Variants in C12orf42 observed in about 807,000 individuals in gnomAD.
The protein encoded by C12orf42 is uncharacterized protein C12orf42.
C12orf42 carries 25 observed loss-of-function variants against 21.6 expected under a neutral mutation model. That is an observed-to-expected ratio of 1.16 (90% confidence interval 0.84 to 1.62). The LOEUF is 1.62. Among genes scored for constraint, C12orf42 ranks in the 40% most tolerant of loss-of-function variants. C12orf42 has a pLI of 0.00. For synonymous variants in C12orf42, 174 were observed against 175.0 expected (o/e 0.99, Z 0.05); for missense variants, 483 against 459.3 (o/e 1.05, Z -0.47).
chr12:103,380,818 T>A (rs1053556819), intron 3 of C12orf42, among the ~76,000 whole-genome samples: 1 of 152,208 alleles, frequency 6.6e-6, no homozygotes, highest in Admixed American at 6.5e-5. Flanking sequence ...ATTCATCAAA[T>A]CCTCACAATA....
intron 3 of C12orf42, among the ~76,000 whole-genome samples, chr12:103,395,406 G>A (rs1034993609): frequency 7.4e-5 from 11 of 148,538 alleles, no homozygotes; most frequent in Middle Eastern, 3.7e-3. Flanking sequence ...GGTGATCTCC[G>A]CTCACCGCAA....
intron 3 of C12orf42, among the ~76,000 whole-genome samples, chr12:103,374,158 C>G (rs759244045): frequency 3.9e-5 from 6 of 152,170 alleles, no homozygotes; most frequent in Non-Finnish European, 7.4e-5. Context: ...ATGCTGCAAC[C>G]TCTATTACCG....
At chr12:103,382,620 G>A (rs544661628) in intron 3 of C12orf42, among the ~76,000 whole-genome samples, 116 of 152,326 alleles carry the variant, frequency 7.6e-4, no homozygotes, top group African/African-American at 2.7e-3. Flanking sequence ...CCAAATGCTT[G>A]CTACAATACC....
chr12:103,460,982 T>C (rs772366598), intron 2 of C12orf42, among the ~76,000 whole-genome samples: 1 of 152,178 alleles, frequency 6.6e-6, no homozygotes, highest in South Asian at 2.1e-4. Flanking sequence ...TAGTCTGTTG[T>C]AGATTTGTTG....
chr12:103,110,614 T>G, the C12orf42 span, among the ~76,000 whole-genome samples: 7 of 152,132 alleles, frequency 4.6e-5, no homozygotes, highest in African/African-American at 1.7e-4. Context: ...ATATTATAAC[T>G]AAAATAAAGT....
chr12:103,507,479 G>A, the C12orf42 span, among the ~76,000 whole-genome samples: 17 of 143,642 alleles, frequency 1.2e-4, no homozygotes, highest in Middle Eastern at 3.2e-3. Flanking sequence ...AGACCAGCCC[G>A]GGTAACATAG....
chr12:103,465,727 G>T (rs151324915), intron 2 of C12orf42, among the ~76,000 whole-genome samples: 4,394 of 152,192 alleles, frequency 0.029, 229 homozygotes, highest in African/African-American at 0.1. Flanking sequence ...TATGATATTG[G>T]CTGTGGGTTT....
At chr12:103,306,659 C>T (rs1471476265) in intron 4 of C12orf42, among the ~76,000 whole-genome samples, 2 of 152,128 alleles carry the variant, frequency 1.3e-5, no homozygotes, top group Non-Finnish European at 2.9e-5. Flanking sequence ...ATCTGTCTTG[C>T]ACAGGTCACA....
At chr12:103,391,366 T>C (rs1175891131) in intron 3 of C12orf42, among the ~76,000 whole-genome samples, 2 of 152,168 alleles carry the variant, frequency 1.3e-5, no homozygotes, top group Non-Finnish European at 2.9e-5. Context: ...ACAACCGCTA[T>C]ACTATTTTAC....
intron 10 of C12orf42, among the ~76,000 whole-genome samples, chr12:103,239,033 C>T (rs1377974309): frequency 6.6e-6 from 1 of 152,118 alleles, no homozygotes; most frequent in Admixed American, 6.5e-5. Flanking sequence ...CTCTAGTTTT[C>T]TTCTTGGGCT....
intron 2 of C12orf42, among the ~76,000 whole-genome samples, chr12:103,450,198 C>T (rs1413816612): frequency 6.6e-6 from 1 of 151,988 alleles, no homozygotes; most frequent in Admixed American, 6.6e-5. Context: ...CCTTGCATCC[C>T]TAAGATAAAC....
the C12orf42 span, among the ~76,000 whole-genome samples, chr12:103,179,644 A>G: frequency 1.3e-5 from 2 of 152,244 alleles, no homozygotes; most frequent in East Asian, 1.9e-4. Flanking sequence ...CTCAAGGACA[A>G]CAGGGAACCA....
At chr12:103,537,176 T>G in the C12orf42 span, among the ~76,000 whole-genome samples, 1 of 152,184 alleles carries the variant, frequency 6.6e-6, no homozygotes, top group African/African-American at 2.4e-5. Context: ...TTATGTTCCC[T>G]TTAGCAAAGA....
At chr12:103,440,373 C>T (rs565460745) in intron 2 of C12orf42, among the ~76,000 whole-genome samples, 57 of 131,692 alleles carry the variant, frequency 4.3e-4, no homozygotes, top group Non-Finnish European at 6.2e-4. Context: ...CTAACCTGCA[C>T]AATGTGCACA....
intron 4 of C12orf42, among the ~76,000 whole-genome samples, chr12:103,318,327 C>T (rs2039735137): frequency 6.6e-6 from 1 of 152,082 alleles, no homozygotes; most frequent in Non-Finnish European, 1.5e-5. Flanking sequence ...TCTGTGAACA[C>T]CCTTGTATAT....
chr12:103,481,588 A>G (rs1038552629), intron 1 of C12orf42, among the ~76,000 whole-genome samples: 16 of 151,808 alleles, frequency 1.1e-4, no homozygotes, highest in African/African-American at 3.4e-4. Context: ...CCATACTTGA[A>G]CTTTTAACAT....
At chr12:103,400,209 C>CCCAT (rs1463062931) in intron 3 of C12orf42, among the ~76,000 whole-genome samples, 3 of 152,108 alleles carry the variant, frequency 2.0e-5, no homozygotes, top group Non-Finnish European at 4.4e-5. Context: ...CACTCACTTC[C>CCCAT]CCATCCTAAC....
At position 103,294,726 on chromosome 12, in the gene C12orf42, T is replaced by C. The variant is rs543292622; in HGVS notation, n.338-17516A>G. 1.1e-4 allele frequency among the ~76,000 whole-genome samples: 17 copies of C among 152,266 alleles called. No individual in the cohort carries two copies. In the South Asian group the frequency reaches 3.1e-3, roughly 28 times the overall value. On this transcript the variant is annotated intron_variant and non_coding_transcript_variant, in intron 4 of 6. Transcript: ENST00000546526. The stretch of plus-strand genomic sequence containing the variant: ...ATTATATTTCACAAAGACCTTGGAC[T>C]CTGCAAGAGGGACCCCATACACCTT...
intron 2 of C12orf42, among the ~76,000 whole-genome samples, chr12:103,402,920 G>C (rs1367307195): frequency 1.3e-5 from 2 of 152,184 alleles, no homozygotes; most frequent in East Asian, 3.9e-4. Flanking sequence ...AAGCTGAGTA[G>C]TGCTACAACT....
Sources: allele counts gnomAD v4.1 joint callset (sites outside exome capture counted in the v4.1 genomes callset), GRCh38; gene constraint gnomAD v4.1.1; transcripts MANE v1.5; gene names NCBI Gene and HGNC (gene_info 2026-07-23, HGNC 2026-07-21).